The following ADARB1 variants were observed in gnomAD, a reference collection of about 807,000 sequenced individuals.
ADARB1 encodes double-stranded RNA-specific editase 1.
In ADARB1, 10 loss-of-function variants were observed where a neutral mutation model predicts 52.4. That is an observed-to-expected ratio of 0.19 (90% confidence interval 0.12 to 0.32). The LOEUF is 0.32. Among genes scored for constraint, ADARB1 ranks in the 10% least tolerant of loss-of-function variants. The pLI, the probability that ADARB1 is intolerant of heterozygous loss-of-function variation, is 1.00. For missense variants in ADARB1, 643 were observed against 922.3 expected, an observed-to-expected ratio of 0.70 and a Z score of 3.92; for synonymous variants, 349 against 371.1, an observed-to-expected ratio of 0.94 and a Z score of 0.68.
In ADARB1 at chr21:45,223,009, C is replaced by T. The variant is rs1212533349; in HGVS notation, c.*812C>T. The stretch of plus-strand genomic sequence containing the variant: ...CTAAGTAATCACAGATAATACATGG[C>T]CAGTAATCCCAGGCTGGCCATTCAT... On this transcript the variant is annotated 3_prime_UTR_variant, in exon 11 of 11. Coordinates refer to ENST00000348831, the MANE Select transcript of ADARB1 (RefSeq NM_001112.4). 1.0e-6 allele frequency: 1 copy of T among 985,312 alleles called. No homozygotes were observed. The highest frequency in any genetic ancestry group is 1.2e-6 in the Non-Finnish European group (1 of 829,934). 61.0% of individuals were successfully genotyped at this position (985,312 alleles called of 1,614,324 possible).
intron 1 of ADARB1, among the ~76,000 whole-genome samples, chr21:45,094,324 T>C (rs539633147): frequency 6.6e-6 from 1 of 152,348 alleles, no homozygotes; most frequent in Non-Finnish European, 1.5e-5. Flanking sequence ...GTAGTGTGGC[T>C]TCCCAGGTAC....
intron 2 of ADARB1, among the ~76,000 whole-genome samples, chr21:45,149,491 C>A (rs2090175676): frequency 6.6e-6 from 1 of 152,224 alleles, no homozygotes; most frequent in Admixed American, 6.5e-5. Context: ...ACTATTGATA[C>A]AATATGTTGT....
chr21:45,092,295 G>A (rs570422587), intron 1 of ADARB1, among the ~76,000 whole-genome samples: 11 of 152,324 alleles, frequency 7.2e-5, no homozygotes, highest in South Asian at 6.2e-4. Context: ...TCTCTGTTGA[G>A]GATGGAGAAA....
chr21:45,197,244 G>A lies in ADARB1; in HGVS notation c.1566-7311G>A, dbSNP rs970428364. 3.3e-5 allele frequency among the ~76,000 whole-genome samples: 5 copies of A among 151,962 alleles called. No individual in the cohort carries two copies. In the South Asian group the frequency reaches 6.2e-4, roughly 19 times the overall value. On this transcript the variant is annotated intron_variant, in intron 8 of 10. Transcript: ENST00000348831. ...TGGCCAGGCGTGGTGGCTCACGCCT[G>A]TAATCCCAACTCTTTGGGAGGCCGA...
At chr21:45,121,655 G>A (rs977011706) in intron 1 of ADARB1, among the ~76,000 whole-genome samples, 1 of 152,116 alleles carries the variant, frequency 6.6e-6, no homozygotes, top group Admixed American at 6.6e-5. Context: ...GCCCAGTTTG[G>A]CCATTTTCTC....
At chr21:45,112,512 G>C (rs2145759656) in intron 1 of ADARB1, among the ~76,000 whole-genome samples, 1 of 152,052 alleles carries the variant, frequency 6.6e-6, no homozygotes, top group African/African-American at 2.4e-5. Context: ...CTTCCTCTCG[G>C]TGTGTATCTC....
In ADARB1 at chr21:45,176,876, C is replaced by T. The variant is rs544960930; in HGVS notation, c.963+212C>T. ...GCATCCTAGTGCATGCTGGGTCTGT[C>T]GCAATGCAAGGCAGGGACACCTGAG... On this transcript the variant is annotated intron_variant, in intron 4 of 10. Transcript: ENST00000348831. This position sits in a 1 kb window ranked among gnomAD's most constrained non-coding sequence, Gnocchi z 5.8. Among the ~76,000 whole-genome samples, 5 of 152,292 alleles carry T rather than the reference C, an allele frequency of 3.3e-5. No individual in the cohort carries two copies. The South Asian group carries it at 1.0e-3, about 32-fold the overall frequency.
chr21:45,194,296 C>A (rs1289084326), intron 8 of ADARB1, among the ~76,000 whole-genome samples: 1 of 152,184 alleles, frequency 6.6e-6, no homozygotes, highest in African/African-American at 2.4e-5. Context: ...TCACCCAAAG[C>A]CCACAGTTTA....
rs748238925 is a variant in ADARB1 at position 45,157,115 on chromosome 21, G to A, written c.-47-14495G>A. 7.9e-5 allele frequency among the ~76,000 whole-genome samples: 12 copies of A among 152,216 alleles called. No individual in the cohort carries two copies. The highest frequency in any genetic ancestry group is 1.6e-4 in the Non-Finnish European group (11 of 68,018). Reference sequence around the variant, plus strand: ...CACTGCATCTGTGCTGATGGGCCTCGCAGCACAAGAAAGACTCTGCTGCCT... The same window carrying A: ...CACTGCATCTGTGCTGATGGGCCTCACAGCACAAGAAAGACTCTGCTGCCT... On this transcript the variant is annotated intron_variant, in intron 2 of 10. Coordinates refer to ENST00000348831, the MANE Select transcript of ADARB1 (RefSeq NM_001112.4). The surrounding 1 kb of genome is among the most constrained non-coding windows in gnomAD (Gnocchi z 4.1).
chr21:45,122,491 T>G (rs2088259484), intron 1 of ADARB1, among the ~76,000 whole-genome samples: 1 of 152,210 alleles, frequency 6.6e-6, no homozygotes, highest in Non-Finnish European at 1.5e-5. Flanking sequence ...GGAAACCCCT[T>G]CAGCTTGACA....
intron 8 of ADARB1, among the ~76,000 whole-genome samples, chr21:45,186,929 A>G (rs1334807120): frequency 6.6e-6 from 1 of 152,128 alleles, no homozygotes; most frequent in Non-Finnish European, 1.5e-5. Flanking sequence ...TGATTACTGT[A>G]GCTTTGTAAT....
chr21:45,203,015 C>T (rs970535719), intron 8 of ADARB1, among the ~76,000 whole-genome samples: 4 of 148,706 alleles, frequency 2.7e-5, no homozygotes, highest in Non-Finnish European at 6.0e-5. Flanking sequence ...GTGTGCCACA[C>T]TGCTGAGCGT....
rs2092986031 is a variant in ADARB1 at position 45,222,615 on chromosome 21, T to C, written c.*418T>C. On this transcript the variant is annotated 3_prime_UTR_variant, in exon 11 of 11. Coordinates refer to ENST00000348831, the MANE Select transcript of ADARB1 (RefSeq NM_001112.4). ...ATGTGGTTTATAAAATAGGAAGTAATTGTGTCAGGTCACTTTTATGCCACA... is the reference window on the plus strand; with the variant it reads ...ATGTGGTTTATAAAATAGGAAGTAACTGTGTCAGGTCACTTTTATGCCACA... 1 of 998,486 alleles carries C rather than the reference T, an allele frequency of 1.0e-6. No homozygotes were observed. Among genetic ancestry groups the C allele is most frequent in the Non-Finnish European group, 1.2e-6 (1 of 839,002 alleles). The allele number at this position is 998,486 out of a possible 1,614,324, so 61.9% of individuals were successfully genotyped here.
chr21:45,197,271 G>T (rs2092445503), intron 8 of ADARB1, among the ~76,000 whole-genome samples: 1 of 151,780 alleles, frequency 6.6e-6, no homozygotes, highest in South Asian at 2.1e-4. Context: ...GGAGGCCGAG[G>T]CGGGTGGATC....
At chr21:45,160,603 G>A (rs952594927) in intron 2 of ADARB1, among the ~76,000 whole-genome samples, 1 of 152,214 alleles carries the variant, frequency 6.6e-6, no homozygotes, top group East Asian at 1.9e-4. Context: ...AATATAAGCA[G>A]CATGTTCTAG....
At chr21:45,180,876 A>T (rs1285676096) in intron 5 of ADARB1, among the ~76,000 whole-genome samples, 1 of 152,228 alleles carries the variant, frequency 6.6e-6, no homozygotes. Context: ...TCCGTGGGGA[A>T]AAAAAGCACA....
At chr21:45,180,471 C>T (rs368075318) in intron 5 of ADARB1, 27 bp downstream of exon 5, 41 of 1,561,846 alleles carry the variant, frequency 2.6e-5, no homozygotes, top group Non-Finnish European at 3.6e-5. Flanking sequence ...TGTATGTAAC[C>T]CTGCCTGTTT....
chr21:45,212,173 A>C (rs1479425102), intron 9 of ADARB1, among the ~76,000 whole-genome samples: 1 of 152,236 alleles, frequency 6.6e-6, no homozygotes, highest in Non-Finnish European at 1.5e-5. Flanking sequence ...GGAAGATAAT[A>C]TAAGCGTTAT....
chr21:45,131,418 G>C (rs1004818831), intron 2 of ADARB1, among the ~76,000 whole-genome samples: 6 of 152,194 alleles, frequency 3.9e-5, no homozygotes, highest in Non-Finnish European at 8.8e-5. Context: ...AAAATGCATT[G>C]TGTCAATCCA....
Sources: allele counts gnomAD v4.1 joint callset (sites outside exome capture counted in the v4.1 genomes callset), GRCh38; gene constraint gnomAD v4.1.1; non-coding constraint Gnocchi (gnomAD v3.1); transcripts MANE v1.5; gene names NCBI Gene and HGNC (gene_info 2026-07-23, HGNC 2026-07-21).